The following PCDH11X variants were observed in gnomAD, a reference collection of about 807,000 sequenced individuals.
The protein encoded by PCDH11X is protocadherin 11 X-linked.
A neutral mutation model predicts 53.3 loss-of-function variants in PCDH11X; 18 were observed. That is an observed-to-expected ratio of 0.34 (90% CI 0.23 to 0.50). PCDH11X has a LOEUF of 0.50. Among genes scored for constraint, PCDH11X ranks in the 20% least tolerant of loss-of-function variants. The probability of loss-of-function intolerance (pLI) is 0.98; values close to 1 mark genes in which losing one functional copy is unlikely to be tolerated. For synonymous variants in PCDH11X, 279 were observed against 393.3 expected (o/e 0.71, Z 3.44); for missense variants, 570 against 1,032.4 (o/e 0.55, Z 6.14).
intron 6 of PCDH11X, among the ~76,000 whole-genome samples, chrX:92,042,900 A>C (rs960244948): frequency 9.1e-6 from 1 of 109,462 alleles, no homozygotes; most frequent in African/African-American, 3.3e-5. Flanking sequence ...CAGCCTCCCA[A>C]AGTACTGGGA....
chrX:92,100,408 A>T (rs763691329), intron 6 of PCDH11X, among the ~76,000 whole-genome samples: 4 of 108,232 alleles, frequency 3.7e-5, no homozygotes, highest in African/African-American at 1.0e-4. Flanking sequence ...TTACAGTCAA[A>T]GGGGGTTTGT....
chrX:92,352,678 T>G (rs2070083912), intron 8 of PCDH11X, among the ~76,000 whole-genome samples: 1 of 110,951 alleles, frequency 9.0e-6, no homozygotes, highest in Non-Finnish European at 1.9e-5. Flanking sequence ...CCTGGGGTTT[T>G]CCCTTGATGT....
At chrX:91,813,272 T>G (rs1416032248) in intron 4 of PCDH11X, among the ~76,000 whole-genome samples, 17 of 110,626 alleles carry the variant, frequency 1.5e-4, no homozygotes, top group Non-Finnish European at 2.8e-4. Context: ...GCTCTAAGAC[T>G]TTTTCTTGCT....
chrX:92,519,884 T>C (rs2074337303), intron 10 of PCDH11X, among the ~76,000 whole-genome samples: 1 of 110,164 alleles, frequency 9.1e-6, no homozygotes, highest in Admixed American at 9.8e-5. Flanking sequence ...TCAATAGCTG[T>C]ATCTTTGGAG....
chrX:92,531,874 G>C (rs1286484164), intron 10 of PCDH11X, among the ~76,000 whole-genome samples: 3 of 111,490 alleles, frequency 2.7e-5, no homozygotes, highest in Admixed American at 9.6e-5. Flanking sequence ...AATATAATGT[G>C]TACTTTCCAT....
chrX:92,197,116 C>T (rs865900614), intron 6 of PCDH11X, among the ~76,000 whole-genome samples: 11 of 111,420 alleles, frequency 9.9e-5, no homozygotes, highest in East Asian at 2.8e-4. Flanking sequence ...TAGAGCCAGA[C>T]GTAGATTCCA....
chrX:92,514,915 C>T (rs1175769349), intron 10 of PCDH11X, among the ~76,000 whole-genome samples: 22 of 104,778 alleles, frequency 2.1e-4, no homozygotes, highest in Non-Finnish European at 3.7e-4. Flanking sequence ...GGCGTGGTGG[C>T]GGGTGCCTGT....
At chrX:91,866,418 A>G (rs1938989951) in intron 5 of PCDH11X, among the ~76,000 whole-genome samples, 1 of 110,436 alleles carries the variant, frequency 9.1e-6, no homozygotes. Context: ...GACCACTGGG[A>G]TCAGTGGTTC....
At chrX:92,230,293 A>T (rs1192549395) in intron 7 of PCDH11X, among the ~76,000 whole-genome samples, 1 of 104,804 alleles carries the variant, frequency 9.5e-6, no homozygotes, top group African/African-American at 3.5e-5. Flanking sequence ...AGTAAAAAAA[A>T]AGTTTTAAGT....
At chrX:92,536,158 A>G (rs912746488) in intron 10 of PCDH11X, among the ~76,000 whole-genome samples, 7 of 109,691 alleles carry the variant, frequency 6.4e-5, no homozygotes, top group Non-Finnish European at 3.8e-5. Flanking sequence ...TTAAGCTCTG[A>G]AATTCTTTCT....
chrX:91,901,382 A>G (rs1236559881), intron 6 of PCDH11X, among the ~76,000 whole-genome samples: 17 of 110,427 alleles, frequency 1.5e-4, no homozygotes, highest in Non-Finnish European at 3.2e-4. Flanking sequence ...AATTTTACCA[A>G]GATTGGCCTA....
At chrX:92,417,682 G>C (rs938796556) in intron 9 of PCDH11X, among the ~76,000 whole-genome samples, 1 of 110,802 alleles carries the variant, frequency 9.0e-6, no homozygotes, top group African/African-American at 3.3e-5. Context: ...TGGTGGAAAA[G>C]ATTGTGAAAC....
At chrX:92,593,575 A>T (rs779063928) in intron 10 of PCDH11X, among the ~76,000 whole-genome samples, 47 of 109,664 alleles carry the variant, frequency 4.3e-4, no homozygotes, top group African/African-American at 1.3e-3. Context: ...TCAGAAGTTT[A>T]AAAAAAAACT....
intron 6 of PCDH11X, among the ~76,000 whole-genome samples, chrX:91,910,150 A>G (rs1401350688): frequency 2.8e-5 from 3 of 108,056 alleles, no homozygotes; most frequent in African/African-American, 1.0e-4. Flanking sequence ...CCAGTGAAAC[A>G]AAGTATCTGA....
At chrX:92,540,562 A>T (rs2074737894) in intron 10 of PCDH11X, among the ~76,000 whole-genome samples, 1 of 101,658 alleles carries the variant, frequency 9.8e-6, no homozygotes, top group South Asian at 4.8e-4. Flanking sequence ...CTGTGACCAA[A>T]CTGGTATCTA....
At chrX:92,144,186 T>A (rs1388948864) in intron 6 of PCDH11X, among the ~76,000 whole-genome samples, 1 of 109,913 alleles carries the variant, frequency 9.1e-6, no homozygotes, top group African/African-American at 3.4e-5. Context: ...GATGAGACTT[T>A]GGACTGGTGG....
At chrX:92,523,708 A>G (rs970096831) in intron 10 of PCDH11X, among the ~76,000 whole-genome samples, 3 of 111,551 alleles carry the variant, frequency 2.7e-5, no homozygotes, top group Non-Finnish European at 5.6e-5. Flanking sequence ...CTTTTCTTTT[A>G]AAGACTTCCA....
chrX:91,861,035 C>T (rs1293089665), intron 5 of PCDH11X, among the ~76,000 whole-genome samples: 3 of 111,506 alleles, frequency 2.7e-5, no homozygotes, highest in Non-Finnish European at 3.8e-5. Flanking sequence ...TTGTTTGGAA[C>T]AATTTCAGAA....
intron 6 of PCDH11X, among the ~76,000 whole-genome samples, chrX:91,899,488 T>C (rs1233756234): frequency 9.0e-6 from 1 of 110,832 alleles, no homozygotes; most frequent in African/African-American, 3.3e-5. Context: ...AACAATACTT[T>C]GCAAACTTCA....
Sources: gnomAD v4.1 joint callset for allele counts (sites outside exome capture counted in the v4.1 genomes callset) on GRCh38, gnomAD v4.1.1 for gene constraint, MANE v1.5 for transcripts, NCBI Gene and HGNC (gene_info 2026-07-23, HGNC 2026-07-21) for gene names.